The following TNPO3 variants were observed in gnomAD, a reference collection of about 807,000 sequenced individuals.
TNPO3 encodes transportin-3.
Under a neutral mutation model 122.8 loss-of-function variants are expected in TNPO3, and 65 were observed. The observed-to-expected ratio is 0.53, with a 90% CI of 0.43 to 0.65. TNPO3 has a LOEUF of 0.65. Among genes scored for constraint, TNPO3 ranks in the 30% least tolerant of loss-of-function variants. The probability of loss-of-function intolerance (pLI) is 0.00; values close to 1 mark genes in which losing one functional copy is unlikely to be tolerated. For missense variants in TNPO3, 850 were observed against 1,136.7 expected, an observed-to-expected ratio of 0.75 and a Z score of 3.63; for synonymous variants, 372 against 411.2, an observed-to-expected ratio of 0.90 and a Z score of 1.15.
At chr7:128,972,637 C>A in intron 18 of TNPO3, 55 bp from the exon 19 acceptor site, 4 of 1,552,788 alleles carry the variant, frequency 2.6e-6, no homozygotes, top group Non-Finnish European at 2.6e-6. Flanking sequence ...ATAAAAGCAG[C>A]CAGGGTAAAA....
chr7:129,001,830 C>T (rs1801983464), intron 5 of TNPO3, among the ~76,000 whole-genome samples: 1 of 152,196 alleles, frequency 6.6e-6, no homozygotes, highest in African/African-American at 2.4e-5. Flanking sequence ...TTCTTGTTCA[C>T]ACCAGCCCCT....
At chr7:128,973,804 G>GA (rs34207082) in intron 18 of TNPO3, among the ~76,000 whole-genome samples, 132 of 50,070 alleles carry the variant, frequency 2.6e-3, no homozygotes, top group Middle Eastern at 0.019. Flanking sequence ...TCTATCAACT[G>GA]AAAAAAAAAA....
chr7:128,973,462 C>A (rs889959868), intron 18 of TNPO3, among the ~76,000 whole-genome samples: 1 of 151,486 alleles, frequency 6.6e-6, no homozygotes, highest in Non-Finnish European at 1.5e-5. Context: ...GTGTGCCGGG[C>A]GTGGTGGCTC....
intron 10 of TNPO3, among the ~76,000 whole-genome samples, chr7:128,991,577 T>G (rs976789228): frequency 2.0e-5 from 3 of 152,206 alleles, no homozygotes; most frequent in Non-Finnish European, 2.9e-5. Context: ...GCCTATGCCT[T>G]GCCTCTCTGA....
chr7:128,960,733 AGT>A (rs1180304027), intron 21 of TNPO3, among the ~76,000 whole-genome samples: 1 of 151,792 alleles, frequency 6.6e-6, no homozygotes. Flanking sequence ...AAAAAGTTAC[AGT>A]AAGCAAGAGT....
intron 1 of TNPO3, among the ~76,000 whole-genome samples, chr7:129,051,353 G>A (rs1438221343): frequency 9.3e-6 from 1 of 107,334 alleles, no homozygotes; most frequent in East Asian, 2.4e-4. Flanking sequence ...TGGAGGTGTG[G>A]TGACTTTTTT....
chr7:129,042,158 C>T (rs1807454477), intron 1 of TNPO3, among the ~76,000 whole-genome samples: 1 of 152,196 alleles, frequency 6.6e-6, no homozygotes, highest in Non-Finnish European at 1.5e-5. Flanking sequence ...AAATACTTCA[C>T]TGAGTACCAA....
chr7:129,010,982 A>G (rs1447204063), intron 4 of TNPO3, among the ~76,000 whole-genome samples: 1 of 152,194 alleles, frequency 6.6e-6, no homozygotes, highest in Non-Finnish European at 1.5e-5. Context: ...CTGAGTGCCC[A>G]TCTTCTTAAT....
At chr7:129,008,652 G>C (rs1802846739) in intron 4 of TNPO3, among the ~76,000 whole-genome samples, 1 of 152,194 alleles carries the variant, frequency 6.6e-6, no homozygotes, top group African/African-American at 2.4e-5. Flanking sequence ...AAGGCTGAAA[G>C]TAGCAAAATG....
intron 18 of TNPO3, among the ~76,000 whole-genome samples, chr7:128,973,197 G>T (rs916441883): frequency 6.6e-6 from 1 of 152,174 alleles, no homozygotes; most frequent in African/African-American, 2.4e-5. Context: ...CCAGTTCCCA[G>T]GATGTCAACA....
rs1259585519 is a variant in TNPO3 at position 128,975,851 on chromosome 7, C to T, written c.2146G>A (p.Gly716Ser). The T allele has an allele frequency of 1.9e-6, 3 of 1,614,016 alleles. No homozygotes were observed. Among genetic ancestry groups the T allele is most frequent in the South Asian group, 2.2e-5 (2 of 91,044 alleles). The change falls in exon 17 of 23, where the codon GGC becomes AGC. Residue 716 changes from glycine (G) to serine (S), a missense_variant. By Grantham distance (56) the Gly-to-Ser change is moderately conservative. Transcript: ENST00000265388. Reference sequence around the variant, plus strand: ...ATGTCTAGCAGTCCCTGCCGACAGCCTTCTTCCATGCCATATTCATCCACA... The same window carrying T: ...ATGTCTAGCAGTCCCTGCCGACAGCTTTCTTCCATGCCATATTCATCCACA... ...ILVDEYGMEEGCRQGLLDMLQ... is the reference protein window; with the variant it reads ...ILVDEYGMEESCRQGLLDMLQ...
At chr7:128,965,496 T>C (rs1218179031) in intron 21 of TNPO3, among the ~76,000 whole-genome samples, 1 of 152,166 alleles carries the variant, frequency 6.6e-6, no homozygotes, top group African/African-American at 2.4e-5. Flanking sequence ...CTAGTGGGAA[T>C]GTAAAATGGT....
At chr7:129,007,476 G>A (rs1360736078) in intron 4 of TNPO3, among the ~76,000 whole-genome samples, 1 of 152,032 alleles carries the variant, frequency 6.6e-6, no homozygotes, top group Non-Finnish European at 1.5e-5. Context: ...TAATTTACCT[G>A]GATAATGATT....
rs187020783 is a variant in TNPO3 at position 128,989,282 on chromosome 7, A to C, written c.1498+679T>G. Among the ~76,000 whole-genome samples, 23 of 152,316 alleles carry C rather than the reference A, an allele frequency of 1.5e-4. No homozygotes were observed. The East Asian group carries it at 4.4e-3, about 29-fold the overall frequency. Reference sequence around the variant, plus strand: ...GAAACACATCAAACTTAATGATATAATACTAATCACAAATTTTGGTATTCC... The same window carrying C: ...GAAACACATCAAACTTAATGATATACTACTAATCACAAATTTTGGTATTCC... On this transcript the variant is annotated intron_variant, in intron 11 of 22. Coordinates refer to ENST00000265388, the MANE Select transcript of TNPO3 (RefSeq NM_012470.4).
chr7:129,031,206 T>C (rs1225721819), intron 1 of TNPO3, among the ~76,000 whole-genome samples: 1 of 151,188 alleles, frequency 6.6e-6, no homozygotes, highest in African/African-American at 2.4e-5. Flanking sequence ...GGCTGAGGCA[T>C]GAGAATTGCT....
chr7:128,980,063 C>A (rs770236817), intron 14 of TNPO3, 32 bp from the exon 15 acceptor site: 1 of 1,602,092 alleles, frequency 6.2e-7, no homozygotes, highest in South Asian at 1.1e-5. Context: ...AAATAGTGAA[C>A]AAAGACCAAT....
chr7:129,015,833 A>G (rs1346066999), intron 3 of TNPO3, among the ~76,000 whole-genome samples: 1 of 151,326 alleles, frequency 6.6e-6, no homozygotes, highest in African/African-American at 2.4e-5. Flanking sequence ...ACCCTGTTTC[A>G]AAAATAAAAT....
At chr7:129,035,455 A>G (rs1806520625) in intron 1 of TNPO3, among the ~76,000 whole-genome samples, 1 of 152,138 alleles carries the variant, frequency 6.6e-6, no homozygotes, top group Non-Finnish European at 1.5e-5. Context: ...AAAGAAAGAA[A>G]AAAAGAAATT....
At chr7:128,995,671 TA>T (rs1263285281) in intron 8 of TNPO3, among the ~76,000 whole-genome samples, 1 of 150,940 alleles carries the variant, frequency 6.6e-6, no homozygotes, top group African/African-American at 2.4e-5. Flanking sequence ...GGCTTCCAAG[TA>T]AAATGTGGTT....
Sources: allele counts gnomAD v4.1 joint callset (sites outside exome capture counted in the v4.1 genomes callset), GRCh38; gene constraint gnomAD v4.1.1; transcripts MANE v1.5; gene names NCBI Gene and HGNC (gene_info 2026-07-23, HGNC 2026-07-21).